Variants in DMWD observed in about 807,000 individuals in gnomAD.
The protein encoded by DMWD is dystrophia myotonica WD repeat-containing protein.
A neutral mutation model predicts 45.8 loss-of-function variants in DMWD; 19 were observed. The ratio of observed to expected loss-of-function variants is 0.41; its 90% CI spans 0.29 to 0.61. The LOEUF is 0.61. Among genes scored for constraint, DMWD ranks in the 20% least tolerant of loss-of-function variants. The pLI, the probability that DMWD is intolerant of heterozygous loss-of-function variation, is 0.25. For missense variants in DMWD, 802 were observed against 965.2 expected, an observed-to-expected ratio of 0.83 and a Z score of 2.24; for synonymous variants, 515 against 440.5, an observed-to-expected ratio of 1.17 and a Z score of -2.12.
At position 45,783,910 on chromosome 19, in the gene DMWD, G is replaced by A; in HGVS notation, c.*333C>T. The A allele has an allele frequency of 7.5e-6, 4 of 533,718 alleles. No individual in the cohort carries two copies. Among genetic ancestry groups the A allele is most frequent in the Non-Finnish European group, 1.3e-5 (4 of 305,930 alleles). The allele number at this position is 533,718 out of a possible 1,614,324, so 33.1% of individuals were successfully genotyped here. A position where few individuals can be genotyped will look rare whatever the true frequency, so the allele number is the denominator to read the frequency against. The stretch of plus-strand genomic sequence containing the variant: ...CCACTCAACTGAGGGGCACACTGCA[G>A]ACCTGGGGCTCTTGTGGCAGGGGCG... On this transcript the variant is annotated 3_prime_UTR_variant, in exon 5 of 5. Transcript: ENST00000270223.
In DMWD at chr19:45,786,089, CGTG is replaced by C; in HGVS notation, c.1404_1406del (p.Thr469del). The C allele has an allele frequency of 6.6e-7, 1 of 1,518,338 alleles. No homozygotes were observed. The highest frequency in any genetic ancestry group is 1.4e-5 in the African/African-American group (1 of 72,564). The allele number at this position is 1,518,338 out of a possible 1,614,324, so 94.1% of individuals were successfully genotyped here. A position where few individuals can be genotyped will look rare whatever the true frequency, so the allele number is the denominator to read the frequency against. ...CCCTCGAGCTGCTGGCGGCCGGTGGCGTGGTGCCAGGTGTGCCAGGGAGGGTGC... is the reference window on the plus strand; with the variant it reads ...CCCTCGAGCTGCTGGCGGCCGGTGGCGTGCCAGGTGTGCCAGGGAGGGTGC... On this transcript the variant is annotated inframe_deletion, in exon 3 of 5. Transcript: ENST00000270223.
intron 2 of DMWD, chr19:45,790,666 AAAAGAAAGAAAG>A (rs530847038): frequency 2.7e-6 from 1 of 375,864 alleles, no homozygotes; most frequent in Admixed American, 4.2e-5. Flanking sequence ...ATAAATAAAT[AAAAGAAAGAAAG>A]AAAGAAAGAA....
intron 2 of DMWD, among the ~76,000 whole-genome samples, chr19:45,788,777 AAGTT>A (rs1386804172): frequency 2.6e-5 from 4 of 151,958 alleles, no homozygotes; most frequent in Admixed American, 1.3e-4. Context: ...AAAAATACAA[AAGTT>A]AGCCAGTTGT....
Position 45,783,501 on chromosome 19 carries a change from T to C in DMWD, c.*742A>G, listed in dbSNP as rs1600459100. 1 of 398,506 alleles carries C rather than the reference T, an allele frequency of 2.5e-6. No individual in the cohort carries two copies. Among genetic ancestry groups the C allele is most frequent in the East Asian group, 3.6e-5 (1 of 28,054 alleles). 24.7% of individuals were successfully genotyped at this position (398,506 alleles called of 1,614,324 possible). ...GGGGCCCTGGCTGCGGGCAGGATGC[T>C]CTTCTCCCCAAGAGGGTCCTGCTCC... On this transcript the variant is annotated 3_prime_UTR_variant, in exon 5 of 5. Coordinates refer to ENST00000270223, the MANE Select transcript of DMWD (RefSeq NM_004943.2).
rs1464245114 is a variant in DMWD at position 45,792,344 on chromosome 19, G to T, written c.413C>A (p.Pro138Gln). The T allele has an allele frequency of 1.2e-6, 2 of 1,611,270 alleles. No individual in the cohort carries two copies. The highest frequency in any genetic ancestry group is 8.5e-7 in the Non-Finnish European group (1 of 1,178,710). ...FNLGRELYFY[P>Q]GCCRRGSQRS... ...TTGGCTCCCACGACGACAGCAGCCT[G>T]GGTAGAAATAGAGCTCACGGCCCAA... Residue 138 changes from proline (P) to glutamine (Q), a missense_variant, in exon 1 of 5, where the codon CCA (proline) becomes CAA (glutamine). Physicochemically the swap from Pro to Gln is moderately conservative, Grantham distance 76. This residue lies in a region of DMWD where 82 missense variants were observed against 92.9 expected (regional missense o/e 0.88). Transcript: ENST00000270223.
Position 45,783,730 on chromosome 19 carries a change from TG to T in DMWD, c.*512del. 1 of 444,694 alleles carries T rather than the reference TG, an allele frequency of 2.2e-6. No individual in the cohort carries two copies. Among genetic ancestry groups the T allele is most frequent in the Middle Eastern group, 5.4e-4 (1 of 1,838 alleles). The allele number at this position is 444,694 out of a possible 1,614,324, so 27.5% of individuals were successfully genotyped here. On this transcript the variant is annotated 3_prime_UTR_variant, in exon 5 of 5. Transcript: ENST00000270223. ...TCTCCTCCGAAGGGGACAGACCCGC[TG>T]AGAAAACAGGGAACTTTAGTATAAA...
chr19:45,785,552 G>A (rs1045597203), intron 3 of DMWD, 42 bp downstream of exon 3: 2 of 1,435,782 alleles, frequency 1.4e-6, no homozygotes, highest in African/African-American at 1.5e-5. Context: ...TCCCACGAAA[G>A]GTCCTGCCAG....
chr19:45,783,182 T>C lies in DMWD; in HGVS notation c.*1061A>G, dbSNP rs1200441355. On this transcript the variant is annotated 3_prime_UTR_variant, in exon 5 of 5. Coordinates refer to ENST00000270223, the MANE Select transcript of DMWD (RefSeq NM_004943.2). ...TTGGCCCCTGGCCGGGGAGCCACAT[T>C]CCTGCCCAGGCTGGGATTAGAAACA... 6.3e-6 allele frequency: 1 copy of C among 158,862 alleles called. No homozygotes were observed. The highest frequency in any genetic ancestry group is 6.5e-5 in the Admixed American group (1 of 15,418). 9.8% of individuals were successfully genotyped at this position (158,862 alleles called of 1,614,324 possible). A position where few individuals can be genotyped will look rare whatever the true frequency, so the allele number is the denominator to read the frequency against.
At chr19:45,787,998 A>G (rs1369601375) in intron 2 of DMWD, among the ~76,000 whole-genome samples, 3 of 152,018 alleles carry the variant, frequency 2.0e-5, no homozygotes, top group Admixed American at 6.6e-5. Context: ...AATTGCTTGA[A>G]CCCGGGAGGC....
intron 2 of DMWD, 172 bp from the exon 3 acceptor site, chr19:45,787,043 T>C: frequency 8.5e-7 from 1 of 1,180,458 alleles, no homozygotes; most frequent in East Asian, 2.6e-5. Context: ...GGAAGACAGA[T>C]GGACACCAGG....
Position 45,785,919 on chromosome 19 carries a change from A to T in DMWD, c.1577T>A (p.Leu526His). Residue 526 changes from leucine (L) to histidine (H), a missense_variant, in exon 3 of 5, where the codon CTC (leucine) becomes CAC (histidine). Physicochemically the swap from Leu to His is moderately conservative, Grantham distance 99. This residue lies in a region of DMWD where 303 missense variants were observed against 332.9 expected (regional missense o/e 0.91). Transcript: ENST00000270223. ...TPFSIGRFAT[L>H]TLQERRDRGA... ...CCGGTCCCGCCGCTCCTGCAGTGTGAGCGTGGCGAAGCGGCCAATGCTGAA... is the reference window on the plus strand; with the variant it reads ...CCGGTCCCGCCGCTCCTGCAGTGTGTGCGTGGCGAAGCGGCCAATGCTGAA... 1 of 1,601,806 alleles carries T rather than the reference A, an allele frequency of 6.2e-7. No individual in the cohort carries two copies. Among genetic ancestry groups the T allele is most frequent in the Non-Finnish European group, 8.5e-7 (1 of 1,178,860 alleles).
Position 45,785,894 on chromosome 19 carries a change from C to A in DMWD, c.1602G>T (p.Arg534=), listed in dbSNP as rs765315845. ...AGCGCTTGTGCTCCTTCTCTGCCCC[C>A]CGGTCCCGCCGCTCCTGCAGTGTGA... ...ATLTLQERRD[R]GAEKEHKRYH... is the part of the protein sequence containing the mutation. The change falls in exon 3 of 5, where the codon CGG becomes CGT. Residue 534 remains arginine, a synonymous_variant. Transcript: ENST00000270223. The A allele has an allele frequency of 6.2e-7, 1 of 1,604,114 alleles. No individual in the cohort carries two copies. Among genetic ancestry groups the A allele is most frequent in the South Asian group, 1.1e-5 (1 of 91,036 alleles).
Position 45,792,329 on chromosome 19 carries a change from C to A in DMWD, c.428G>T (p.Arg143Leu). The A allele has an allele frequency of 6.2e-7, 1 of 1,610,092 alleles. No homozygotes were observed. Residue 143 changes from arginine (R) to leucine (L), a missense_variant, in exon 1 of 5, where the codon CGT becomes CTT. Physicochemically the swap from Arg to Leu is moderately radical, Grantham distance 102. Coordinates refer to ENST00000270223, the MANE Select transcript of DMWD (RefSeq NM_004943.2). ...ELYFYPGCCR[R>L]GSQRSIDLNK... Reference sequence around the variant, plus strand: ...CAGGCCGCTCACCCGTTGGCTCCCACGACGACAGCAGCCTGGGTAGAAATA... The same window carrying A: ...CAGGCCGCTCACCCGTTGGCTCCCAAGACGACAGCAGCCTGGGTAGAAATA...
chr19:45,792,408 C>A lies in DMWD; in HGVS notation c.349G>T (p.Ala117Ser), dbSNP rs750353627. The A allele has an allele frequency of 1.3e-6, 2 of 1,580,122 alleles. No homozygotes were observed. Among genetic ancestry groups the A allele is most frequent in the Non-Finnish European group, 1.7e-6 (2 of 1,163,920 alleles). Residue 117 changes from alanine (A) to serine (S), a missense_variant, in exon 1 of 5, where the codon GCG (alanine) becomes TCG (serine). Ala to Ser is a moderately conservative substitution (Grantham distance 99). Coordinates refer to ENST00000270223, the MANE Select transcript of DMWD (RefSeq NM_004943.2). ...AGAGEPPATP[A>S]GLGSGGDRVC... Reference sequence around the variant, plus strand: ...CGGTCTCCCCCCGAGCCCAGCCCCGCGGGCGTGGCGGGCGGCTCCCCGGCC... The same window carrying A: ...CGGTCTCCCCCCGAGCCCAGCCCCGAGGGCGTGGCGGGCGGCTCCCCGGCC...
chr19:45,789,858 A>C (rs1398571090), intron 2 of DMWD: 1 of 152,220 alleles, frequency 6.6e-6, no homozygotes, highest in East Asian at 1.9e-4. Flanking sequence ...TCTACCAAAA[A>C]TACAAAAATT....
Position 45,785,879 on chromosome 19 carries a change from C to CTCCT in DMWD, c.1613_1616dup (p.His540GlyfsTer153). 1 of 1,605,736 alleles carries CTCCT rather than the reference C, an allele frequency of 6.2e-7. No homozygotes were observed. Among genetic ancestry groups the CTCCT allele is most frequent in the Non-Finnish European group, 8.5e-7 (1 of 1,179,684 alleles). The stretch of plus-strand genomic sequence containing the variant: ...TGCCCAGGCTGTGGTAGCGCTTGTG[C>CTCCT]TCCTTCTCTGCCCCCCGGTCCCGCC... On this transcript the variant is annotated frameshift_variant, in exon 3 of 5. Coordinates refer to ENST00000270223, the MANE Select transcript of DMWD (RefSeq NM_004943.2). LOFTEE classifies it high-confidence loss of function.
intron 2 of DMWD, 28 bp downstream of exon 2, chr19:45,790,877 A>C: frequency 6.3e-7 from 1 of 1,581,984 alleles, no homozygotes; most frequent in Non-Finnish European, 8.6e-7. Flanking sequence ...AAGGCAGAGA[A>C]GTTGGGGGCT....
rs1293521560 is a variant in DMWD, at chr19:45,783,423, A to C, written c.*820T>G. On this transcript the variant is annotated 3_prime_UTR_variant, in exon 5 of 5. Coordinates refer to ENST00000270223, the MANE Select transcript of DMWD (RefSeq NM_004943.2). ...AGTCCCAGCTGGGCAGGGCCTGGGA[A>C]ACGTGGTCCTGGGCAGTTCTGATAA... 4 of 394,764 alleles carry C rather than the reference A, an allele frequency of 1.0e-5. No individual in the cohort carries two copies. The highest frequency in any genetic ancestry group is 2.1e-5 in the African/African-American group (1 of 48,500). The allele number at this position is 394,764 out of a possible 1,614,324, so 24.5% of individuals were successfully genotyped here.
Position 45,792,463 on chromosome 19 carries a change from G to A in DMWD, c.294C>T (p.Leu98=), listed in dbSNP as rs1970367390. ...GPALPAVRLS[L]VRLGEPDSAG... ...CGCTGTCCGGCTCCCCGAGGCGCAC[G>A]AGGCTGAGGCGCACGGCGGGCAGGG... Residue 98 remains leucine (L), a synonymous_variant, in exon 1 of 5, where the codon CTC becomes CTT. Transcript: ENST00000270223. The A allele has an allele frequency of 1.5e-6, 2 of 1,302,822 alleles. No homozygotes were observed. Among genetic ancestry groups the A allele is most frequent in the East Asian group, 3.3e-5 (1 of 30,542 alleles). The allele number at this position is 1,302,822 out of a possible 1,614,324, so 80.7% of individuals were successfully genotyped here.
Sources: allele counts gnomAD v4.1 joint callset (sites outside exome capture counted in the v4.1 genomes callset), GRCh38; gene constraint gnomAD v4.1.1; regional missense constraint gnomAD v4.1.1; transcripts MANE v1.5; gene names NCBI Gene and HGNC (gene_info 2026-07-23, HGNC 2026-07-21).